FLVCR2: variants seen among roughly 807,000 people sequenced by gnomAD.
FLVCR2 encodes the protein FLVCR choline and putative heme transporter 2, also known as choline/ethanolamine transporter FLVCR2.
In FLVCR2, 38 loss-of-function variants were observed where a neutral mutation model predicts 48.9. The ratio of observed to expected loss-of-function variants is 0.78; its 90% confidence interval spans 0.60 to 1.02. FLVCR2 has a LOEUF of 1.02. Among genes scored for constraint, FLVCR2 ranks in the 50% least tolerant of loss-of-function variants. The pLI, the probability that FLVCR2 is intolerant of heterozygous loss-of-function variation, is 0.00. For missense variants in FLVCR2, 664 were observed against 663.3 expected, an observed-to-expected ratio of 1.00 and a Z score of -0.01; for synonymous variants, 255 against 257.0, an observed-to-expected ratio of 0.99 and a Z score of 0.07.
At chr14:75,627,509 AGCAGCCTC>A (rs1482510141) in intron 3 of FLVCR2, among the ~76,000 whole-genome samples, 1 of 152,182 alleles carries the variant, frequency 6.6e-6, no homozygotes, top group Non-Finnish European at 1.5e-5. Flanking sequence ...TGTGACATCC[AGCAGCCTC>A]GCAGCCGTGG....
At chr14:75,593,157 C>T (rs182356241) in intron 1 of FLVCR2, among the ~76,000 whole-genome samples, 36 of 152,258 alleles carry the variant, frequency 2.4e-4, no homozygotes, top group Middle Eastern at 3.4e-3. Flanking sequence ...TGTTTTCTAG[C>T]CTATTTCTTC....
At chr14:75,597,469 G>A (rs2140014544) in intron 1 of FLVCR2, among the ~76,000 whole-genome samples, 1 of 152,254 alleles carries the variant, frequency 6.6e-6, no homozygotes, top group East Asian at 1.9e-4. Flanking sequence ...AGAAGTGGTT[G>A]GTGATTTGCC....
chr14:75,624,596 G>GT lies in FLVCR2; in HGVS notation c.812-9dup, dbSNP rs1889851166. The GT allele has an allele frequency of 1.2e-6, 2 of 1,614,026 alleles. No individual in the cohort carries two copies. The highest frequency in any genetic ancestry group is 1.7e-6 in the Non-Finnish European group (2 of 1,179,952). On this transcript the variant is annotated splice_polypyrimidine_tract_variant and intron_variant, in intron 2 of 9. Transcript: ENST00000238667. ...ACCATGGGAATTTTCAGCCATCTCT[G>GT]TTTTTTTCCTTTCAGTGTTCAAGGA...
chr14:75,639,491 G>C (rs373397192), intron 6 of FLVCR2, 29 bp downstream of exon 6: 27 of 1,452,046 alleles, frequency 1.9e-5, no homozygotes, highest in Non-Finnish European at 2.4e-5. Flanking sequence ...TGATTTATTA[G>C]AAAATACCAT....
At chr14:75,579,864 G>A (rs1594786115) in intron 1 of FLVCR2, among the ~76,000 whole-genome samples, 1 of 152,358 alleles carries the variant, frequency 6.6e-6, no homozygotes, top group African/African-American at 2.4e-5. Context: ...CCAGCCAAAA[G>A]CATGCTTCTA....
Position 75,579,456 on chromosome 14 carries a change from T to C in FLVCR2, c.484T>C (p.Cys162Arg). ...TIALTGSALN[C>R]LGAWVKLGSL... ...TGCTCTCACTGGCTCGGCTCTCAAC[T>C]GCCTGGGGGCCTGGGTGAAGCTGGG... The change falls in exon 1 of 10, where the codon TGC becomes CGC. Residue 162 changes from cysteine (C) to arginine (R), a missense_variant. Physicochemically the swap from Cys to Arg is radical, Grantham distance 180. Transcript: ENST00000238667. The C allele has an allele frequency of 6.2e-7, 1 of 1,613,784 alleles. No homozygotes were observed. Among genetic ancestry groups the C allele is most frequent in the Non-Finnish European group, 8.5e-7 (1 of 1,179,818 alleles).
At chr14:75,592,036 G>T (rs547644610) in intron 1 of FLVCR2, among the ~76,000 whole-genome samples, 157 of 151,776 alleles carry the variant, frequency 1.0e-3, no homozygotes, top group African/African-American at 3.7e-3. Context: ...TTGCCATTTT[G>T]CCCAGGCTGT....
chr14:75,634,813 G>T, intron 4 of FLVCR2, 97 bp from the exon 5 acceptor site: 1 of 784,834 alleles, frequency 1.3e-6, no homozygotes, highest in South Asian at 1.5e-5. Context: ...GATGGAGCTT[G>T]AGTTACCTGC....
chr14:75,599,557 C>G (rs1416718497), intron 1 of FLVCR2, among the ~76,000 whole-genome samples: 1 of 152,126 alleles, frequency 6.6e-6, no homozygotes. Context: ...TTAATGTAAT[C>G]CCTGTCAAAA....
rs145427218 is a variant in FLVCR2 at position 75,623,944 on chromosome 14, C to T, written c.812-668C>T. Among the ~76,000 whole-genome samples, 1,275 of 152,286 alleles carry T rather than the reference C, an allele frequency of 8.4e-3. 22 individuals are homozygous for T. The highest frequency in any genetic ancestry group is 0.029 in the African/African-American group (1,209 of 41,558). On this transcript the variant is annotated intron_variant, in intron 2 of 9. Transcript: ENST00000238667. The stretch of plus-strand genomic sequence containing the variant: ...GTGTATGCCTGTGGTCCCAGCTACT[C>T]AGGAGGCTGAGGCACAAGAATCACT...
chr14:75,589,338 G>C (rs2140007489), intron 1 of FLVCR2, among the ~76,000 whole-genome samples: 1 of 152,316 alleles, frequency 6.6e-6, no homozygotes, highest in East Asian at 1.9e-4. Context: ...AGGGTAACTG[G>C]TCCCAATTAA....
chr14:75,592,735 T>A (rs1888915203), intron 1 of FLVCR2, among the ~76,000 whole-genome samples: 1 of 152,138 alleles, frequency 6.6e-6, no homozygotes, highest in Admixed American at 6.5e-5. Context: ...ATGCCTGTAA[T>A]CACAGCACTT....
chr14:75,634,780 G>T (rs968858644), intron 4 of FLVCR2, 130 bp from the exon 5 acceptor site: 12 of 684,152 alleles, frequency 1.8e-5, no homozygotes, highest in Non-Finnish European at 2.4e-5. Flanking sequence ...ATCTTGTCCC[G>T]ATATGTTCTG....
At chr14:75,591,988 C>G (rs1047788154) in intron 1 of FLVCR2, among the ~76,000 whole-genome samples, 4 of 151,400 alleles carry the variant, frequency 2.6e-5, no homozygotes, top group Non-Finnish European at 5.9e-5. Flanking sequence ...AATTTTGTTT[C>G]TTTTTTGTTT....
intron 1 of FLVCR2, chr14:75,605,934 T>TAG (rs1380916502): frequency 7.5e-6 from 3 of 400,070 alleles, no homozygotes; most frequent in Non-Finnish European, 1.4e-5. Context: ...TTGGCGGCTC[T>TAG]AGAGGTAGCT....
chr14:75,612,318 G>A (rs1889480383), intron 1 of FLVCR2, among the ~76,000 whole-genome samples: 1 of 152,176 alleles, frequency 6.6e-6, no homozygotes, highest in Non-Finnish European at 1.5e-5. Context: ...GAATCCAGGA[G>A]TCAGGGCAGT....
At chr14:75,611,173 G>GTA (rs1356884228) in intron 1 of FLVCR2, among the ~76,000 whole-genome samples, 1 of 152,188 alleles carries the variant, frequency 6.6e-6, no homozygotes, top group Non-Finnish European at 1.5e-5. Flanking sequence ...CCTGTAAAGT[G>GTA]TAACTGTGGC....
chr14:75,624,247 C>A (rs1424113911), intron 2 of FLVCR2, among the ~76,000 whole-genome samples: 1 of 151,838 alleles, frequency 6.6e-6, no homozygotes, highest in East Asian at 1.9e-4. Flanking sequence ...CCTGTAGTCC[C>A]AGCTACTCAG....
At chr14:75,622,251 AG>A in intron 2 of FLVCR2, 31 bp downstream of exon 2, 1 of 1,610,002 alleles carries the variant, frequency 6.2e-7, no homozygotes, top group Non-Finnish European at 8.5e-7. Context: ...ATGGGGTAGC[AG>A]GGGGCGAAGG....
Sources: allele counts gnomAD v4.1 joint callset (sites outside exome capture counted in the v4.1 genomes callset), GRCh38; gene constraint gnomAD v4.1.1; transcripts MANE v1.5; gene names NCBI Gene and HGNC (gene_info 2026-07-23, HGNC 2026-07-21).